GNA14: variants seen among roughly 807,000 people sequenced by gnomAD.
The protein encoded by GNA14 is G protein subunit alpha 14.
GNA14 carries 50 observed loss-of-function variants against 42.0 expected under a neutral mutation model. The observed-to-expected ratio is 1.19, with a 90% CI of 0.95 to 1.51. GNA14 has a LOEUF of 1.51. GNA14 is among the 40% of genes most tolerant of loss of function. The pLI is 0.00. For synonymous variants in GNA14, 173 were observed against 163.1 expected (o/e 1.06, Z -0.46); for missense variants, 473 against 446.2 (o/e 1.06, Z -0.54).
At position 77,510,337 on chromosome 9, in the gene GNA14, A is replaced by G. The variant is rs1260401752; in HGVS notation, c.309+18732T>C. ...ATATTCCAGTATATGGACGTTGCAC[A>G]CTTTATTTTATTATTTTTGAGACAG... On this transcript the variant is annotated intron_variant, in intron 2 of 6. Coordinates refer to ENST00000341700, the MANE Select transcript of GNA14 (RefSeq NM_004297.4). Among the ~76,000 whole-genome samples the G allele has an allele frequency of 3.3e-5, 5 of 152,016 alleles. No individual in the cohort carries two copies. The East Asian group carries it at 7.7e-4, about 24-fold the overall frequency.
At chr9:77,612,946 G>T (rs964134879) in intron 1 of GNA14, among the ~76,000 whole-genome samples, 1 of 152,114 alleles carries the variant, frequency 6.6e-6, no homozygotes, top group East Asian at 1.9e-4. Context: ...AGCATTATTC[G>T]TAATAGCCAA....
intron 2 of GNA14, among the ~76,000 whole-genome samples, chr9:77,520,064 C>A (rs971590746): frequency 6.6e-6 from 1 of 152,028 alleles, no homozygotes; most frequent in Non-Finnish European, 1.5e-5. Context: ...GCAACATAGC[C>A]ATGCAATAAA....
chr9:77,550,259 C>T (rs556810414), intron 1 of GNA14, among the ~76,000 whole-genome samples: 1 of 152,272 alleles, frequency 6.6e-6, no homozygotes, highest in Admixed American at 6.5e-5. Flanking sequence ...AGGATATGCT[C>T]TTTCAGCCTC....
rs888150942 is a variant in GNA14, at chr9:77,524,267, C to T, written c.309+4802G>A. Among the ~76,000 whole-genome samples, 6 of 152,106 alleles carry T rather than the reference C, an allele frequency of 3.9e-5. No homozygotes were observed. The East Asian group carries it at 5.8e-4, about 15-fold the overall frequency. Reference sequence around the variant, plus strand: ...AAACATGTTAGTTAAAAAACAAATGCGGAACTAAATTTCCGATAAATTTCC... The same window carrying T: ...AAACATGTTAGTTAAAAAACAAATGTGGAACTAAATTTCCGATAAATTTCC... On this transcript the variant is annotated intron_variant, in intron 2 of 6. Transcript: ENST00000341700.
chr9:77,533,735 C>G (rs1022674308), intron 1 of GNA14, among the ~76,000 whole-genome samples: 1 of 152,190 alleles, frequency 6.6e-6, no homozygotes, highest in Non-Finnish European at 1.5e-5. Context: ...CCTCCCCTCT[C>G]CCCCTAAACT....
rs535415764 is a variant in GNA14 at position 77,511,835 on chromosome 9, C to T, written c.309+17234G>A. Among the ~76,000 whole-genome samples the T allele has an allele frequency of 1.9e-4, 29 of 152,284 alleles. No individual in the cohort carries two copies. In the South Asian group the frequency reaches 6.0e-3, roughly 32 times the overall value. On this transcript the variant is annotated intron_variant, in intron 2 of 6. Transcript: ENST00000341700. ...GGCCTGGAGAAGCAATCAAAATGAACTTGGAACTTGTGTTTTAAGGGTCCA... is the reference window on the plus strand; with the variant it reads ...GGCCTGGAGAAGCAATCAAAATGAATTTGGAACTTGTGTTTTAAGGGTCCA...
At chr9:77,564,157 T>G (rs1822927904) in intron 1 of GNA14, among the ~76,000 whole-genome samples, 1 of 152,204 alleles carries the variant, frequency 6.6e-6, no homozygotes, top group African/African-American at 2.4e-5. Context: ...GGTAATTGTT[T>G]GAAGGACACA....
chr9:77,576,642 T>C (rs1263516489), intron 1 of GNA14, among the ~76,000 whole-genome samples: 1 of 152,210 alleles, frequency 6.6e-6, no homozygotes, highest in Non-Finnish European at 1.5e-5. Context: ...TCCACATTCC[T>C]TACATCATTA....
At chr9:77,632,696 C>T (rs1369045567) in intron 1 of GNA14, among the ~76,000 whole-genome samples, 4 of 152,160 alleles carry the variant, frequency 2.6e-5, no homozygotes, top group African/African-American at 4.8e-5. Context: ...CTGCTTGTGG[C>T]GTGCCTGGTC....
intron 2 of GNA14, among the ~76,000 whole-genome samples, chr9:77,451,023 T>C (rs1275155851): frequency 6.6e-6 from 1 of 152,146 alleles, no homozygotes; most frequent in Non-Finnish European, 1.5e-5. Flanking sequence ...CTCTCCTCTA[T>C]AAATTACCCA....
chr9:77,441,259 G>C (rs1312288312), intron 2 of GNA14, among the ~76,000 whole-genome samples: 1 of 152,140 alleles, frequency 6.6e-6, no homozygotes, highest in African/African-American at 2.4e-5. Flanking sequence ...TTTCTCCCAT[G>C]CTGTTCTCGT....
chr9:77,638,233 A>G (rs1824212018), intron 1 of GNA14, among the ~76,000 whole-genome samples: 1 of 152,244 alleles, frequency 6.6e-6, no homozygotes. Flanking sequence ...GCCAGGATAC[A>G]GGAACAAGAT....
intron 1 of GNA14, among the ~76,000 whole-genome samples, chr9:77,630,624 G>A (rs1389585053): frequency 6.6e-6 from 1 of 152,024 alleles, no homozygotes; most frequent in Non-Finnish European, 1.5e-5. Flanking sequence ...CCTAATCAAA[G>A]GATTAAGAAA....
At chr9:77,586,305 C>T (rs1255348034) in intron 1 of GNA14, among the ~76,000 whole-genome samples, 1 of 152,054 alleles carries the variant, frequency 6.6e-6, no homozygotes, top group Non-Finnish European at 1.5e-5. Context: ...CTCACAACAA[C>T]AAAAAGATAA....
intron 1 of GNA14, among the ~76,000 whole-genome samples, chr9:77,611,044 ACT>A (rs1823721597): frequency 6.6e-6 from 1 of 152,128 alleles, no homozygotes; most frequent in Admixed American, 6.5e-5. Context: ...GTAAGGACAC[ACT>A]CTGAGACTGG....
intron 2 of GNA14, among the ~76,000 whole-genome samples, chr9:77,452,451 G>A (rs1293046051): frequency 1.3e-5 from 2 of 151,752 alleles, no homozygotes; most frequent in Admixed American, 6.6e-5. Flanking sequence ...ACAAAACGTG[G>A]TACATATCCT....
intron 2 of GNA14, among the ~76,000 whole-genome samples, chr9:77,490,349 G>T (rs1836744764): frequency 6.6e-6 from 1 of 152,260 alleles, no homozygotes; most frequent in Admixed American, 6.5e-5. Flanking sequence ...GGGGTTGCAG[G>T]TGGAGCTGCC....
chr9:77,627,649 T>G (rs1241657952), intron 1 of GNA14, among the ~76,000 whole-genome samples: 2 of 152,118 alleles, frequency 1.3e-5, no homozygotes, highest in Non-Finnish European at 2.9e-5. Flanking sequence ...AAAACCACGA[T>G]TATCTCAATA....
chr9:77,556,908 T>C (rs1315538645), intron 1 of GNA14, among the ~76,000 whole-genome samples: 1 of 152,210 alleles, frequency 6.6e-6, no homozygotes, highest in African/African-American at 2.4e-5. Context: ...TCTGGCACTT[T>C]AAAGATACTA....
Sources: allele counts gnomAD v4.1 joint callset (sites outside exome capture counted in the v4.1 genomes callset), GRCh38; gene constraint gnomAD v4.1.1; transcripts MANE v1.5; gene names NCBI Gene and HGNC (gene_info 2026-07-23, HGNC 2026-07-21).